The following PCDHGA8 variants were observed in gnomAD, a reference collection of about 807,000 sequenced individuals.
The protein encoded by PCDHGA8 is protocadherin gamma-A8.
PCDHGA8 carries 45 observed loss-of-function variants against 59.2 expected under a neutral mutation model. The ratio of observed to expected loss-of-function variants is 0.76; its 90% confidence interval spans 0.60 to 0.98. PCDHGA8 has a LOEUF of 0.98. Among genes scored for constraint, PCDHGA8 ranks in the 50% least tolerant of loss-of-function variants. The probability of loss-of-function intolerance (pLI) is 0.00; values close to 1 mark genes in which losing one functional copy is unlikely to be tolerated. For synonymous variants in PCDHGA8, 531 were observed against 519.0 expected (o/e 1.02, Z -0.32); for missense variants, 1,257 against 1,196.2 (o/e 1.05, Z -0.75).
At chr5:141,450,932 C>G (rs868373954) in intron 1 of PCDHGA8, among the ~76,000 whole-genome samples, 1 of 151,134 alleles carries the variant, frequency 6.6e-6, no homozygotes, top group Admixed American at 6.6e-5. Context: ...TCAAGCAATT[C>G]TCCTACCTCA....
At chr5:141,500,348 A>G (rs2099799436) in intron 2 of PCDHGA8, among the ~76,000 whole-genome samples, 1 of 151,950 alleles carries the variant, frequency 6.6e-6, no homozygotes, top group Non-Finnish European at 1.5e-5. Context: ...AGCTGGGACT[A>G]CAGGCGCCCA....
chr5:141,436,068 T>A (rs1343785335), intron 1 of PCDHGA8, among the ~76,000 whole-genome samples: 1 of 152,190 alleles, frequency 6.6e-6, no homozygotes, highest in Non-Finnish European at 1.5e-5. Flanking sequence ...ATTTAATAAG[T>A]ACAGTGTTCT....
At chr5:141,435,719 C>T (rs890713374) in intron 1 of PCDHGA8, among the ~76,000 whole-genome samples, 6 of 152,156 alleles carry the variant, frequency 3.9e-5, no homozygotes, top group Admixed American at 3.3e-4. Context: ...ACACTGAATG[C>T]TAAAGTGTAT....
At chr5:141,408,917 C>T (rs549266523) in intron 1 of PCDHGA8, 2 of 1,613,248 alleles carry the variant, frequency 1.2e-6, no homozygotes, top group Non-Finnish European at 8.5e-7. Context: ...CAATGATAAC[C>T]CCCCGGTTTT....
intron 1 of PCDHGA8, among the ~76,000 whole-genome samples, chr5:141,447,983 G>A (rs1311439824): frequency 6.6e-6 from 1 of 151,972 alleles, no homozygotes; most frequent in Non-Finnish European, 1.5e-5. Context: ...CTACTCGGGA[G>A]GCTGAGGCAT....
At chr5:141,462,280 C>T (rs927977920) in intron 1 of PCDHGA8, among the ~76,000 whole-genome samples, 15 of 152,146 alleles carry the variant, frequency 9.9e-5, no homozygotes, top group African/African-American at 3.4e-4. Context: ...TGTTTAGTCA[C>T]CAAATATGTA....
intron 1 of PCDHGA8, among the ~76,000 whole-genome samples, chr5:141,453,518 C>G (rs1347368114): frequency 6.6e-6 from 1 of 152,114 alleles, no homozygotes; most frequent in African/African-American, 2.4e-5. Context: ...CATTCCTCCC[C>G]TATACCTTCT....
At position 141,432,252 on chromosome 5, in the gene PCDHGA8, G is replaced by A. The variant is rs749107567; in HGVS notation, c.2424+37015G>A. 3.7e-6 allele frequency: 6 copies of A among 1,614,220 alleles called. No homozygotes were observed. The highest frequency in any genetic ancestry group is 5.1e-6 in the Non-Finnish European group (6 of 1,180,042). ...TCCCTGGCTGAGAACACCATCCAAG[G>A]GGCAAGCCTATCGTCCTACGTGTCC... On this transcript the variant is annotated intron_variant, in intron 1 of 3. Coordinates refer to ENST00000398604, the MANE Select transcript of PCDHGA8 (RefSeq NM_032088.2). The surrounding 1 kb of genome is among the most constrained non-coding windows in gnomAD (Gnocchi z 6.0).
intron 1 of PCDHGA8, among the ~76,000 whole-genome samples, chr5:141,482,188 G>C (rs1178289472): frequency 2.6e-5 from 4 of 152,122 alleles, no homozygotes; most frequent in African/African-American, 9.7e-5. Context: ...CGATGCTCCA[G>C]TTCTAGTAAA....
At chr5:141,408,645 C>T (rs763904747) in intron 1 of PCDHGA8, 10 of 1,613,890 alleles carry the variant, frequency 6.2e-6, no homozygotes, top group Non-Finnish European at 8.5e-6. Flanking sequence ...TCTGCATCCG[C>T]TGGTACACGA....
At chr5:141,465,466 C>T (rs1280373152) in intron 1 of PCDHGA8, among the ~76,000 whole-genome samples, 1 of 152,156 alleles carries the variant, frequency 6.6e-6, no homozygotes, top group African/African-American at 2.4e-5. Flanking sequence ...ACCAAATTGC[C>T]CTTGCTTCAT....
rs2154591356 is a variant in PCDHGA8, at chr5:141,493,972, C to G, written c.2425-835C>G. Among the ~76,000 whole-genome samples, 6 of 152,276 alleles carry G rather than the reference C, an allele frequency of 3.9e-5. No homozygotes were observed. In the Middle Eastern group the frequency reaches 0.014, roughly 345 times the overall value. On this transcript the variant is annotated intron_variant, in intron 1 of 3. Coordinates refer to ENST00000398604, the MANE Select transcript of PCDHGA8 (RefSeq NM_032088.2). This position sits in a 1 kb window ranked among gnomAD's most constrained non-coding sequence, Gnocchi z 4.3. ...CAGGAATGAAGTGGCTGGCCAGAGC[C>G]CCACACCTTCAGCTAGGTGGGAGAT...
rs1416883218 is a variant in PCDHGA8, at chr5:141,428,027, G to A, written c.2424+32790G>A. On this transcript the variant is annotated intron_variant, in intron 1 of 3. Coordinates refer to ENST00000398604, the MANE Select transcript of PCDHGA8 (RefSeq NM_032088.2). ...TCGATATAGTGCCACGCGCCGCAGAGTCCGGCTACCTGGTGACCAAGGTGG... is the reference window on the plus strand; with the variant it reads ...TCGATATAGTGCCACGCGCCGCAGAATCCGGCTACCTGGTGACCAAGGTGG... 1.9e-6 allele frequency: 3 copies of A among 1,606,742 alleles called. No homozygotes were observed. The Admixed American group carries it at 5.0e-5, about 27-fold the overall frequency.
intron 1 of PCDHGA8, among the ~76,000 whole-genome samples, chr5:141,463,839 T>C (rs1356261890): frequency 1.3e-5 from 2 of 152,240 alleles, no homozygotes; most frequent in African/African-American, 4.8e-5. Flanking sequence ...TTCCCAGTTG[T>C]TATAGTGGTA....
intron 1 of PCDHGA8, chr5:141,433,018 T>C: frequency 6.2e-7 from 1 of 1,614,120 alleles, no homozygotes. Flanking sequence ...TGCAGACCTA[T>C]TCCCACGAGG....
At chr5:141,404,791 G>A (rs747844350) in intron 1 of PCDHGA8, 2 of 1,613,932 alleles carry the variant, frequency 1.2e-6, no homozygotes, top group Non-Finnish European at 8.5e-7. Flanking sequence ...AGGCCAGTGA[G>A]CCAGGGCTCT....
At chr5:141,463,168 T>C (rs74924211) in intron 1 of PCDHGA8, among the ~76,000 whole-genome samples, 6,974 of 152,254 alleles carry the variant, frequency 0.046, 178 homozygotes, top group Middle Eastern at 0.082. Context: ...GTGCACTCTA[T>C]GTATGCTCAG....
Position 141,489,826 on chromosome 5 carries a change from C to G in PCDHGA8, c.2425-4981C>G. On this transcript the variant is annotated intron_variant, in intron 1 of 3. Transcript: ENST00000398604. This position sits in a 1 kb window ranked among gnomAD's most constrained non-coding sequence, Gnocchi z 4.5. The stretch of plus-strand genomic sequence containing the variant: ...TGGGAAGCCATTCCCAGAGCTGGTG[C>G]TAGAGCAGCAGCTGGATCGTGAAGC... 1 of 1,614,186 alleles carries G rather than the reference C, an allele frequency of 6.2e-7. No homozygotes were observed. The highest frequency in any genetic ancestry group is 8.5e-7 in the Non-Finnish European group (1 of 1,179,988).
intron 1 of PCDHGA8, among the ~76,000 whole-genome samples, chr5:141,479,050 C>T (rs1484021560): frequency 6.6e-6 from 1 of 152,164 alleles, no homozygotes; most frequent in African/African-American, 2.4e-5. Context: ...ACCTCATTCT[C>T]AGATAATTTT....
Sources: gnomAD v4.1 joint callset for allele counts (sites outside exome capture counted in the v4.1 genomes callset) on GRCh38, gnomAD v4.1.1 for gene constraint, Gnocchi (gnomAD v3.1) non-coding constraint, MANE v1.5 for transcripts, NCBI Gene and HGNC (gene_info 2026-07-23, HGNC 2026-07-21) for gene names.